The following RAB27B variants were observed in gnomAD, a reference collection of about 807,000 sequenced individuals.
RAB27B encodes the protein ras-related protein Rab-27B.
Under a neutral mutation model 24.6 loss-of-function variants are expected in RAB27B, and 15 were observed. The observed-to-expected ratio is 0.61, with a 90% CI of 0.41 to 0.94. The LOEUF (loss-of-function observed/expected upper bound fraction) is 0.94, where lower values mean the gene tolerates loss of function less well. Ranked by LOEUF, RAB27B falls within the 40% of genes least tolerant of loss-of-function variation. The pLI is 0.00. For missense variants in RAB27B, 261 were observed against 266.8 expected (o/e 0.98, Z 0.15); for synonymous variants, 105 against 92.5 (o/e 1.14, Z -0.78).
Position 54,831,919 on chromosome 18 carries a change from G to A in RAB27B, c.-20+3219G>A, listed in dbSNP as rs1322086256. The stretch of plus-strand genomic sequence containing the variant: ...GCCTCCTGAATAGCTGGGACTACAG[G>A]CATGCACCACCATGCCCAGCTAATT... On this transcript the variant is annotated intron_variant, in intron 1 of 5. Coordinates refer to ENST00000262094, the MANE Select transcript of RAB27B (RefSeq NM_004163.4). Among the ~76,000 whole-genome samples, 4 of 152,222 alleles carry A rather than the reference G, an allele frequency of 2.6e-5. No homozygotes were observed. The South Asian group carries it at 6.2e-4, about 24-fold the overall frequency.
chr18:54,798,061 C>T (rs1021350817), intron 2 of RAB27B, among the ~76,000 whole-genome samples: 4 of 152,014 alleles, frequency 2.6e-5, no homozygotes, highest in African/African-American at 4.8e-5. Context: ...CAAGAACCGC[C>T]GTCTATTCTA....
chr18:54,740,596 A>G (rs1910041021), intron 2 of RAB27B, among the ~76,000 whole-genome samples: 1 of 152,156 alleles, frequency 6.6e-6, no homozygotes, highest in African/African-American at 2.4e-5. Flanking sequence ...CTTTCTCTCA[A>G]GTAGAATCAT....
rs560499198 is a variant in RAB27B at position 54,724,236 on chromosome 18, A to C, written c.-20+6095A>C. Among the ~76,000 whole-genome samples, 11 of 151,878 alleles carry C rather than the reference A, an allele frequency of 7.2e-5. No homozygotes were observed. The East Asian group carries it at 2.1e-3, about 29-fold the overall frequency. The stretch of plus-strand genomic sequence containing the variant: ...TCCAAAAATTCAACCAGGTCAAGAA[A>C]GACATGACTTAGCAACAGCATATAT... On this transcript the variant is annotated intron_variant, in intron 2 of 4. Transcript: ENST00000586570.
intron 2 of RAB27B, among the ~76,000 whole-genome samples, chr18:54,782,262 C>T (rs571482387): frequency 1.3e-5 from 2 of 152,244 alleles, no homozygotes; most frequent in East Asian, 1.9e-4. Context: ...ATATCATTTT[C>T]GTGTCCTGTT....
intron 1 of RAB27B, among the ~76,000 whole-genome samples, chr18:54,834,642 C>T (rs1056132132): frequency 1.3e-5 from 2 of 149,810 alleles, no homozygotes; most frequent in Non-Finnish European, 3.0e-5. Flanking sequence ...CTAAGATTAT[C>T]TTTGTTATAC....
chr18:54,844,682 T>A (rs1370316841), intron 1 of RAB27B, among the ~76,000 whole-genome samples: 1 of 152,070 alleles, frequency 6.6e-6, no homozygotes, highest in African/African-American at 2.4e-5. Context: ...GCTGGGATTA[T>A]AGGTGTGAAC....
At chr18:54,723,093 T>C (rs1909413120) in intron 2 of RAB27B, among the ~76,000 whole-genome samples, 1 of 152,226 alleles carries the variant, frequency 6.6e-6, no homozygotes, top group Non-Finnish European at 1.5e-5. Flanking sequence ...GGAATTCCCC[T>C]GAGTGGCAGC....
At position 54,846,818 on chromosome 18, in the gene RAB27B, A is replaced by G. The variant is rs1482912508; in HGVS notation, c.-20+18118A>G. 2.6e-5 allele frequency among the ~76,000 whole-genome samples: 4 copies of G among 152,108 alleles called. No homozygotes were observed. The East Asian group carries it at 7.7e-4, about 29-fold the overall frequency. The stretch of plus-strand genomic sequence containing the variant: ...TGTTTCTCATTGTAGTTTTATAAAT[A>G]AAATAGAAATGGACTTCACATGACT... On this transcript the variant is annotated intron_variant, in intron 1 of 5. Transcript: ENST00000262094.
chr18:54,878,488 G>T (rs1912794491), intron 2 of RAB27B, among the ~76,000 whole-genome samples: 1 of 152,104 alleles, frequency 6.6e-6, no homozygotes, highest in African/African-American at 2.4e-5. Context: ...AAAAGAAATG[G>T]TAACTGGAAG....
chr18:54,804,302 C>A (rs976478153), intron 2 of RAB27B, among the ~76,000 whole-genome samples: 5 of 152,132 alleles, frequency 3.3e-5, no homozygotes, highest in African/African-American at 1.2e-4. Flanking sequence ...CCCAGAATTC[C>A]CACATGTTGG....
chr18:54,792,067 C>G (rs1010473243), intron 2 of RAB27B, among the ~76,000 whole-genome samples: 1 of 152,152 alleles, frequency 6.6e-6, no homozygotes, highest in African/African-American at 2.4e-5. Context: ...TACAGAAAGC[C>G]CTCTGTCCTG....
upstream of RAB27B, among the ~76,000 whole-genome samples, chr18:54,826,611 A>G (rs1026067759): frequency 6.6e-6 from 1 of 152,228 alleles, no homozygotes; most frequent in African/African-American, 2.4e-5. Context: ...ATCTAGGGAA[A>G]GGTGGCAAGG....
intron 1 of RAB27B, among the ~76,000 whole-genome samples, chr18:54,831,466 C>G (rs917479159): frequency 1.3e-5 from 2 of 151,974 alleles, no homozygotes; most frequent in African/African-American, 4.8e-5. Flanking sequence ...AGTAAAATGA[C>G]AAAACACTAT....
intron 2 of RAB27B, among the ~76,000 whole-genome samples, chr18:54,756,176 A>C (rs912702680): frequency 6.6e-6 from 1 of 152,162 alleles, no homozygotes; most frequent in Non-Finnish European, 1.5e-5. Context: ...GTGAAACATG[A>C]CCTCCATTGT....
At chr18:54,781,606 T>C (rs1474956544) in intron 2 of RAB27B, among the ~76,000 whole-genome samples, 2 of 152,160 alleles carry the variant, frequency 1.3e-5, no homozygotes, top group African/African-American at 2.4e-5. Context: ...GCTTTTCCTT[T>C]TGCAGCTTGC....
intron 2 of RAB27B, among the ~76,000 whole-genome samples, chr18:54,782,441 CT>C (rs1488454570): frequency 6.6e-6 from 1 of 152,106 alleles, no homozygotes; most frequent in Non-Finnish European, 1.5e-5. Context: ...CTATGAAATA[CT>C]TTTTTTGCAG....
chr18:54,809,117 T>C (rs1037684780), intron 2 of RAB27B, among the ~76,000 whole-genome samples: 1 of 152,240 alleles, frequency 6.6e-6, no homozygotes, highest in African/African-American at 2.4e-5. Context: ...AGTAGAAAGT[T>C]GTAATAGGTT....
chr18:54,720,278 C>T (rs962112719), intron 2 of RAB27B, among the ~76,000 whole-genome samples: 29 of 152,062 alleles, frequency 1.9e-4, no homozygotes, highest in Admixed American at 1.4e-3. Context: ...CTTGAAAAGT[C>T]TTGCAGCCCA....
intron 1 of RAB27B, among the ~76,000 whole-genome samples, chr18:54,844,028 AG>A (rs1270802779): frequency 6.6e-6 from 1 of 152,178 alleles, no homozygotes; most frequent in Non-Finnish European, 1.5e-5. Context: ...GAGGAGGAGA[AG>A]GGTGTCATAT....
Sources: allele counts gnomAD v4.1 joint callset (sites outside exome capture counted in the v4.1 genomes callset), GRCh38; gene constraint gnomAD v4.1.1; transcripts MANE v1.5; gene names NCBI Gene and HGNC (gene_info 2026-07-23, HGNC 2026-07-21).